The following NRP2 variants were observed in gnomAD, a reference collection of about 807,000 sequenced individuals.
NRP2 encodes the protein neuropilin-2.
In NRP2, 52 loss-of-function variants were observed where a neutral mutation model predicts 110.4. That is an observed-to-expected ratio of 0.47 (90% CI 0.38 to 0.59). NRP2 has a LOEUF of 0.59. Among genes scored for constraint, NRP2 ranks in the 20% least tolerant of loss-of-function variants. The pLI, the probability that NRP2 is intolerant of heterozygous loss-of-function variation, is 0.00. For missense variants in NRP2, 1,049 were observed against 1,203.0 expected, an observed-to-expected ratio of 0.87 and a Z score of 1.89; for synonymous variants, 508 against 468.9, an observed-to-expected ratio of 1.08 and a Z score of -1.08.
rs562381499 is a variant in NRP2, at chr2:205,765,154, G to T, written c.2308-320G>T. Among the ~76,000 whole-genome samples the T allele has an allele frequency of 2.0e-5, 3 of 152,220 alleles. No individual in the cohort carries two copies. The East Asian group carries it at 5.8e-4, about 29-fold the overall frequency. On this transcript the variant is annotated intron_variant, in intron 13 of 16. Transcript: ENST00000357785. ...AGGAACCTCGAAAATAGTGAGGGAA[G>T]TTTCAACCCCCCTTTCAATAGTCTC...
At chr2:205,772,035 G>A (rs2105937142) in intron 15 of NRP2, among the ~76,000 whole-genome samples, 1 of 152,350 alleles carries the variant, frequency 6.6e-6, no homozygotes, top group African/African-American at 2.4e-5. Flanking sequence ...ACACTTGCTA[G>A]CAGTGTACAG....
rs187242490 is a variant in NRP2 at position 205,775,635 on chromosome 2, A to G, written c.2425+8832A>G. Among the ~76,000 whole-genome samples, 268 of 152,322 alleles carry G rather than the reference A, an allele frequency of 1.8e-3. 3 individuals are homozygous for G. Among genetic ancestry groups the G allele is most frequent in the South Asian group, 8.9e-3 (43 of 4,824 alleles). On this transcript the variant is annotated intron_variant, in intron 15 of 16. Coordinates refer to ENST00000357785, the MANE Select transcript of NRP2 (RefSeq NM_003872.3). ...TCTAGGCAAGACCAGGCTAATTTCA[A>G]TGGGCACAGAAGCCTTGGCAAGCCA... is the stretch of plus-strand genomic sequence containing the variant.
chr2:205,750,046 G>C (rs1461829117), intron 11 of NRP2, among the ~76,000 whole-genome samples: 1 of 152,204 alleles, frequency 6.6e-6, no homozygotes, highest in East Asian at 1.9e-4. Context: ...GTAACAACCA[G>C]TACAGCCCTA....
At chr2:205,731,601 C>T (rs2057241691) in intron 7 of NRP2, among the ~76,000 whole-genome samples, 1 of 152,162 alleles carries the variant, frequency 6.6e-6, no homozygotes, top group South Asian at 2.1e-4. Context: ...TCTTCAGTTC[C>T]CTCTCATTCG....
intron 12 of NRP2, chr2:205,760,756 A>G (rs1261484267): frequency 6.6e-6 from 1 of 152,198 alleles, no homozygotes; most frequent in Non-Finnish European, 1.5e-5. Context: ...GATACAATCC[A>G]TTCAGCCCAG....
At chr2:205,762,133 T>G (rs990245318) in intron 12 of NRP2, 11 of 152,316 alleles carry the variant, frequency 7.2e-5, no homozygotes, top group African/African-American at 2.6e-4. Flanking sequence ...CTTGCAGAGG[T>G]CACACCTTGT....
chr2:205,766,967 T>C (rs1230269784), intron 15 of NRP2, 164 bp downstream of exon 15: 12 of 664,644 alleles, frequency 1.8e-5, no homozygotes, highest in Non-Finnish European at 2.7e-6. Context: ...GCAACACCTG[T>C]AGATGCGGGA....
chr2:205,764,228 A>G, intron 13 of NRP2: 1 of 434,216 alleles, frequency 2.3e-6, no homozygotes. Flanking sequence ...AAAGGGACAC[A>G]GAAGCCAGAG....
At chr2:205,739,232 A>G (rs1460388855) in intron 7 of NRP2, among the ~76,000 whole-genome samples, 1 of 152,198 alleles carries the variant, frequency 6.6e-6, no homozygotes. Flanking sequence ...GTGTTAGAAG[A>G]AACTACAAGC....
intron 12 of NRP2, among the ~76,000 whole-genome samples, chr2:205,755,810 TC>T (rs1348637040): frequency 6.6e-6 from 1 of 151,972 alleles, no homozygotes; most frequent in Non-Finnish European, 1.5e-5. Flanking sequence ...ATATGCTTCA[TC>T]CCCTGATGAG....
At chr2:205,736,307 A>C (rs1432165600) in intron 7 of NRP2, among the ~76,000 whole-genome samples, 1 of 152,204 alleles carries the variant, frequency 6.6e-6, no homozygotes, top group East Asian at 1.9e-4. Flanking sequence ...GTGCCACTGC[A>C]CTCCAGCCTG....
At position 205,728,062 on chromosome 2, in the gene NRP2, T is replaced by C. The variant is rs951337116; in HGVS notation, c.1146+16T>C. On this transcript the variant is annotated intron_variant, in intron 7 of 16. Coordinates refer to ENST00000357785, the MANE Select transcript of NRP2 (RefSeq NM_003872.3). Reference sequence around the variant, plus strand: ...AAACCACAAGGTAAATCCATGATCCTACCTTAAAGGCACATTGGACCAGGG... The same window carrying C: ...AAACCACAAGGTAAATCCATGATCCCACCTTAAAGGCACATTGGACCAGGG... The C allele has an allele frequency of 2.2e-5, 35 of 1,614,028 alleles. No individual in the cohort carries two copies. Among genetic ancestry groups the C allele is most frequent in the Non-Finnish European group, 2.7e-5 (32 of 1,180,008 alleles).
chr2:205,787,718 CTGTGTGTGTG>C (rs60558986), intron 15 of NRP2, among the ~76,000 whole-genome samples: 47 of 144,180 alleles, frequency 3.3e-4, no homozygotes, highest in South Asian at 1.6e-3. Context: ...AAAAAAGTGT[CTGTGTGTGTG>C]TGTGTGTGTG....
At chr2:205,786,766 A>T (rs1322433249) in intron 15 of NRP2, among the ~76,000 whole-genome samples, 1 of 152,184 alleles carries the variant, frequency 6.6e-6, no homozygotes, top group Non-Finnish European at 1.5e-5. Flanking sequence ...GGCACAATTT[A>T]CCCACTTTGT....
At chr2:205,757,935 C>T (rs1372195505) in intron 12 of NRP2, among the ~76,000 whole-genome samples, 2 of 151,584 alleles carry the variant, frequency 1.3e-5, no homozygotes, top group Non-Finnish European at 2.9e-5. Context: ...TTGGTTGAGT[C>T]CCCCAGCAGT....
chr2:205,766,763 T>G lies in NRP2; in HGVS notation c.2405-20T>G, dbSNP rs2057925816. 1.9e-6 allele frequency: 3 copies of G among 1,612,206 alleles called. No homozygotes were observed. The African/African-American group carries it at 4.0e-5, about 22-fold the overall frequency. On this transcript the variant is annotated intron_variant, in intron 14 of 16. Transcript: ENST00000357785. Reference sequence around the variant, plus strand: ...TTTCTTGCCTTTAACTAAGTCCAATTTTTTGTTTGTTTTTTTCAGAACCCA... The same window carrying G: ...TTTCTTGCCTTTAACTAAGTCCAATGTTTTGTTTGTTTTTTTCAGAACCCA...
In NRP2 at chr2:205,797,480, C is replaced by T. The variant is rs1410272802; in HGVS notation, c.*2422C>T. 1 of 152,212 alleles carries T rather than the reference C, an allele frequency of 6.6e-6. No individual in the cohort carries two copies. The highest frequency in any genetic ancestry group is 1.5e-5 in the Non-Finnish European group (1 of 68,048). 9.4% of individuals were successfully genotyped at this position (152,212 alleles called of 1,614,324 possible). On this transcript the variant is annotated 3_prime_UTR_variant, in exon 17 of 17. Coordinates refer to ENST00000357785, the MANE Select transcript of NRP2 (RefSeq NM_003872.3). Reference sequence around the variant, plus strand: ...CACCTCTAAGTTATGTACAACTCAACCTGCATCCCTCTAAAAGTCCTATAT... The same window carrying T: ...CACCTCTAAGTTATGTACAACTCAATCTGCATCCCTCTAAAAGTCCTATAT...
intron 13 of NRP2, 107 bp from the exon 14 acceptor site, chr2:205,765,367 C>CA (rs2057897687): frequency 1.1e-6 from 1 of 873,590 alleles, no homozygotes; most frequent in African/African-American, 1.7e-5. Context: ...CACACACACA[C>CA]ATACACACAC....
At position 205,688,100 on chromosome 2, in the gene NRP2, T is replaced by C. The variant is rs370106075; in HGVS notation, c.73+4737T>C. ...CCAAAGGTCCAGTTTGGAAAGACTT[T>C]AGGAACTTGAGCTGAGATCTTCCTT... On this transcript the variant is annotated intron_variant, in intron 1 of 16. Transcript: ENST00000357785. 4.4e-4 allele frequency among the ~76,000 whole-genome samples: 67 copies of C among 152,340 alleles called. 1 individual carries two copies. The highest frequency in any genetic ancestry group is 1.5e-3 in the African/African-American group (64 of 41,588).
Sources: allele counts gnomAD v4.1 joint callset (sites outside exome capture counted in the v4.1 genomes callset), GRCh38; gene constraint gnomAD v4.1.1; transcripts MANE v1.5; gene names NCBI Gene and HGNC (gene_info 2026-07-23, HGNC 2026-07-21).